Variants in CDH2 observed in about 807,000 individuals in gnomAD.
CDH2 encodes the protein cadherin-2.
Under a neutral mutation model 92.0 loss-of-function variants are expected in CDH2, and 17 were observed. That is an observed-to-expected ratio of 0.18 (90% CI 0.13 to 0.28). The LOEUF is 0.28. Among genes scored for constraint, CDH2 ranks in the 10% least tolerant of loss-of-function variants. The pLI, the probability that CDH2 is intolerant of heterozygous loss-of-function variation, is 1.00. For missense variants in CDH2, 862 were observed against 1,133.1 expected (o/e 0.76, Z 3.44); for synonymous variants, 419 against 415.9 (o/e 1.01, Z -0.09).
chr18:27,954,047 G>T (rs1909593451), intron 15 of CDH2, among the ~76,000 whole-genome samples: 1 of 152,052 alleles, frequency 6.6e-6, no homozygotes, highest in Non-Finnish European at 1.5e-5. Flanking sequence ...AACAATCCAT[G>T]AAATTTAGCA....
chr18:27,992,531 C>T (rs922917056), intron 9 of CDH2, 124 bp downstream of exon 9: 3 of 713,152 alleles, frequency 4.2e-6, no homozygotes, highest in Admixed American at 2.9e-5. Context: ...TATATCAGAC[C>T]CACATCTGGA....
At chr18:27,979,907 A>C (rs2011987133) in intron 14 of CDH2, among the ~76,000 whole-genome samples, 1 of 152,236 alleles carries the variant, frequency 6.6e-6, no homozygotes, top group African/African-American at 2.4e-5. Flanking sequence ...TACAGAAAGC[A>C]TCTGCTTCTG....
At chr18:27,973,645 C>G (rs765917292) in intron 14 of CDH2, among the ~76,000 whole-genome samples, 1 of 152,158 alleles carries the variant, frequency 6.6e-6, no homozygotes, top group Non-Finnish European at 1.5e-5. Flanking sequence ...CAAAAACATT[C>G]TCTAAATTCA....
Position 27,965,354 on chromosome 18 carries a change from G to A in CDH2, c.2350-1833C>T, listed in dbSNP as rs548900224. Among the ~76,000 whole-genome samples, 13 of 152,332 alleles carry A rather than the reference G, an allele frequency of 8.5e-5. No homozygotes were observed. In the East Asian group the frequency reaches 2.1e-3, roughly 25 times the overall value. On this transcript the variant is annotated intron_variant, in intron 14 of 15. Coordinates refer to ENST00000269141, the MANE Select transcript of CDH2 (RefSeq NM_001792.5). ...GTGTGTGCAATGTGATGCGGAAAGCGAGGTAGGTATAGAGACTTCGAACCC... is the reference window on the plus strand; with the variant it reads ...GTGTGTGCAATGTGATGCGGAAAGCAAGGTAGGTATAGAGACTTCGAACCC...
chr18:28,066,803 C>G (rs2014516974), intron 2 of CDH2, among the ~76,000 whole-genome samples: 1 of 151,762 alleles, frequency 6.6e-6, no homozygotes, highest in African/African-American at 2.4e-5. Flanking sequence ...TTAGTACTTA[C>G]TAGACTCAAC....
chr18:28,128,681 G>A (rs1377576241), intron 2 of CDH2, among the ~76,000 whole-genome samples: 5 of 148,194 alleles, frequency 3.4e-5, no homozygotes, highest in Non-Finnish European at 7.4e-5. Flanking sequence ...GCACGACCCC[G>A]TCTCAAAAAA....
intron 7 of CDH2, 111 bp from the exon 8 acceptor site, chr18:27,993,748 T>G: frequency 1.2e-6 from 1 of 811,816 alleles, no homozygotes; most frequent in African/African-American, 1.7e-5. Context: ...CATCATTCAT[T>G]CTGATTAACA....
chr18:28,009,895 C>T, intron 4 of CDH2, 23 bp from the exon 5 acceptor site: 1 of 1,585,374 alleles, frequency 6.3e-7, no homozygotes, highest in Non-Finnish European at 8.6e-7. Flanking sequence ...AAAACAATGA[C>T]ATTAAGTGAG....
intron 2 of CDH2, among the ~76,000 whole-genome samples, chr18:28,092,397 T>C (rs1363075618): frequency 1.3e-5 from 2 of 152,108 alleles, no homozygotes; most frequent in Non-Finnish European, 2.9e-5. Flanking sequence ...ATTTATGAAA[T>C]GAAACAAATA....
At position 27,978,491 on chromosome 18, in the gene CDH2, T is replaced by G. The variant is rs200411668; in HGVS notation, c.2349+4453A>C. On this transcript the variant is annotated intron_variant, in intron 14 of 15. Transcript: ENST00000269141. ...TTTACCAAGGGGTGCTGGATATTCA[T>G]AAAGAACATGAAGAAGTCCTGACCC... Among the ~76,000 whole-genome samples, 9 of 151,816 alleles carry G rather than the reference T, an allele frequency of 5.9e-5. No individual in the cohort carries two copies. In the East Asian group the frequency reaches 1.7e-3, roughly 29 times the overall value.
intron 1 of CDH2, among the ~76,000 whole-genome samples, chr18:28,171,312 T>C (rs1447809405): frequency 1.3e-5 from 2 of 152,028 alleles, no homozygotes; most frequent in East Asian, 3.9e-4. Context: ...TTTTTAATGT[T>C]GACCCCCTAT....
chr18:28,070,573 A>C (rs1007865697), intron 2 of CDH2, among the ~76,000 whole-genome samples: 2 of 152,218 alleles, frequency 1.3e-5, no homozygotes. Context: ...AAGGGAATAC[A>C]TACAACTAGC....
chr18:28,011,381 A>C (rs1375306780), intron 4 of CDH2, among the ~76,000 whole-genome samples: 1 of 151,792 alleles, frequency 6.6e-6, no homozygotes, highest in Admixed American at 6.6e-5. Context: ...ATCAGAGGTC[A>C]TTCTTTTCTT....
At chr18:28,009,572 T>C (rs1479052802) in intron 5 of CDH2, 145 bp downstream of exon 5, 1 of 560,234 alleles carries the variant, frequency 1.8e-6, no homozygotes, top group Admixed American at 3.8e-5. Flanking sequence ...AACAATAACA[T>C]TATTAAAATA....
chr18:28,075,167 C>A (rs1353102323), intron 2 of CDH2, among the ~76,000 whole-genome samples: 1 of 152,148 alleles, frequency 6.6e-6, no homozygotes, highest in Non-Finnish European at 1.5e-5. Flanking sequence ...ACAAATAGTT[C>A]TCTGAAGCAG....
At chr18:28,089,106 G>A (rs934953473) in intron 2 of CDH2, among the ~76,000 whole-genome samples, 7 of 152,154 alleles carry the variant, frequency 4.6e-5, no homozygotes, top group Admixed American at 1.3e-4. Context: ...CTCATCAAGA[G>A]TACGTCTCCT....
intron 2 of CDH2, among the ~76,000 whole-genome samples, chr18:28,032,332 C>T (rs1280211304): frequency 1.3e-5 from 2 of 152,092 alleles, no homozygotes; most frequent in East Asian, 3.9e-4. Flanking sequence ...GGCTCAGCAT[C>T]TGAACCATCA....
intron 6 of CDH2, among the ~76,000 whole-genome samples, chr18:27,939,596 C>G (rs1440293476): frequency 1.3e-5 from 2 of 152,110 alleles, no homozygotes; most frequent in East Asian, 3.9e-4. Context: ...CAGATGTGGC[C>G]CTTGAGCTCA....
At chr18:27,985,301 G>T in intron 12 of CDH2, 68 bp from the exon 13 acceptor site, 3 of 922,742 alleles carry the variant, frequency 3.3e-6, no homozygotes, top group Non-Finnish European at 5.1e-6. Context: ...ACATAGCATT[G>T]TTCAGGATGT....
Sources: allele counts gnomAD v4.1 joint callset (sites outside exome capture counted in the v4.1 genomes callset), GRCh38; gene constraint gnomAD v4.1.1; transcripts MANE v1.5; gene names NCBI Gene and HGNC (gene_info 2026-07-23, HGNC 2026-07-21).